CRIM1: variants seen among roughly 807,000 people sequenced by gnomAD.
CRIM1 encodes cysteine rich transmembrane BMP regulator 1.
A neutral mutation model predicts 116.4 loss-of-function variants in CRIM1; 32 were observed. The ratio of observed to expected loss-of-function variants is 0.27; its 90% confidence interval spans 0.21 to 0.37. CRIM1 has a LOEUF of 0.37. CRIM1 is among the 10% of genes least tolerant of loss of function. The pLI, the probability that CRIM1 is intolerant of heterozygous loss-of-function variation, is 1.00. For synonymous variants in CRIM1, 590 were observed against 509.2 expected (o/e 1.16, Z -2.13); for missense variants, 1,331 against 1,354.8 (o/e 0.98, Z 0.28).
intron 7 of CRIM1, among the ~76,000 whole-genome samples, chr2:36,483,667 A>G (rs1679595164): frequency 6.6e-6 from 1 of 152,284 alleles, no homozygotes; most frequent in African/African-American, 2.4e-5. Context: ...AGAATTTGGC[A>G]TATTCTTTTG....
At chr2:36,492,419 T>A (rs1469984594) in intron 7 of CRIM1, among the ~76,000 whole-genome samples, 2 of 152,158 alleles carry the variant, frequency 1.3e-5, no homozygotes, top group African/African-American at 4.8e-5. Flanking sequence ...TAAGTACACA[T>A]TCAGATGCTA....
chr2:36,401,942 C>T (rs546715634), intron 2 of CRIM1, among the ~76,000 whole-genome samples: 2 of 152,174 alleles, frequency 1.3e-5, no homozygotes, highest in Admixed American at 6.5e-5. Context: ...GTCCTGCCAC[C>T]GGAACTCTAG....
At chr2:36,395,840 G>T (rs185083337) in intron 1 of CRIM1, among the ~76,000 whole-genome samples, 8 of 152,280 alleles carry the variant, frequency 5.3e-5, no homozygotes. Context: ...TTTTGGTGGT[G>T]TCTGATTTTT....
At chr2:36,501,295 T>A (rs1469040968) in intron 8 of CRIM1, among the ~76,000 whole-genome samples, 3 of 152,194 alleles carry the variant, frequency 2.0e-5, no homozygotes, top group Non-Finnish European at 4.4e-5. Context: ...CACTTAACCT[T>A]AATTATTTGT....
In CRIM1 at chr2:36,381,685, G is replaced by A. The variant is rs200377831; in HGVS notation, c.332-14929G>A. ...GCCTGTAATCCCAGCTACTCAGGAG[G>A]CTGAGGCAGGAGAATTGCCTGAACC... On this transcript the variant is annotated intron_variant, in intron 1 of 16. Transcript: ENST00000280527. Among the ~76,000 whole-genome samples the A allele has an allele frequency of 2.0e-5, 3 of 152,318 alleles. No individual in the cohort carries two copies. In the East Asian group the frequency reaches 5.8e-4, roughly 29 times the overall value.
At chr2:36,389,481 G>A (rs1288984780) in intron 1 of CRIM1, among the ~76,000 whole-genome samples, 2 of 152,192 alleles carry the variant, frequency 1.3e-5, no homozygotes, top group Non-Finnish European at 1.5e-5. Flanking sequence ...TATATTCCCA[G>A]GAGCTTCTCT....
rs578251056 is a variant in CRIM1 at position 36,421,567 on chromosome 2, T to C, written c.506-19691T>C. On this transcript the variant is annotated intron_variant, in intron 2 of 16. Transcript: ENST00000280527. ...GAATTGCAAATATATTGCCCTAGCT[T>C]ACTCAGGGAAAGGGAATTACCAGCT... Among the ~76,000 whole-genome samples the C allele has an allele frequency of 1.5e-3, 222 of 152,324 alleles. 1 individual carries two copies. The highest frequency in any genetic ancestry group is 2.6e-3 in the Non-Finnish European group (179 of 68,028).
chr2:36,364,259 T>C (rs941401880), intron 1 of CRIM1, among the ~76,000 whole-genome samples: 1 of 152,206 alleles, frequency 6.6e-6, no homozygotes, highest in African/African-American at 2.4e-5. Context: ...ACCACACTTT[T>C]AAGTAGCACA....
At chr2:36,468,706 A>G (rs1469705728) in intron 5 of CRIM1, among the ~76,000 whole-genome samples, 1 of 152,190 alleles carries the variant, frequency 6.6e-6, no homozygotes, top group Non-Finnish European at 1.5e-5. Flanking sequence ...GGAGCTGGAC[A>G]ATGGCCTCTA....
At chr2:36,388,441 G>A (rs1671333271) in intron 1 of CRIM1, among the ~76,000 whole-genome samples, 1 of 152,162 alleles carries the variant, frequency 6.6e-6, no homozygotes, top group Non-Finnish European at 1.5e-5. Flanking sequence ...CCAATAAATT[G>A]TTAGCATTGT....
At position 36,517,410 on chromosome 2, in the gene CRIM1, A is replaced by C. The variant is rs755212278; in HGVS notation, c.2074A>C (p.Thr692Pro). ...AGGAGAATACTTTGTGGAAGGAGAA[A>C]CGTGGAACATTGACTCCTGTACTCA... ...PGGEYFVEGE[T>P]WNIDSCTQCT... Residue 692 changes from threonine to proline, a missense_variant, in exon 12 of 17, where the codon ACG becomes CCG. Physicochemically the swap from Thr to Pro is conservative, Grantham distance 38. This residue lies in a region of CRIM1 where 358 missense variants were observed against 436.1 expected (regional missense o/e 0.82). Transcript: ENST00000280527. The C allele has an allele frequency of 6.2e-7, 1 of 1,614,232 alleles. No individual in the cohort carries two copies. The highest frequency in any genetic ancestry group is 1.1e-5 in the South Asian group (1 of 91,092).
intron 2 of CRIM1, among the ~76,000 whole-genome samples, chr2:36,432,006 T>C (rs848501): frequency 0.6 from 91,525 of 152,074 alleles, 27,627 homozygotes; most frequent in African/African-American, 0.65. Flanking sequence ...TAAACATTAC[T>C]TGGGGAGTTC....
At chr2:36,451,250 A>G (rs1199723628) in intron 4 of CRIM1, among the ~76,000 whole-genome samples, 1 of 152,192 alleles carries the variant, frequency 6.6e-6, no homozygotes, top group Non-Finnish European at 1.5e-5. Flanking sequence ...TGCCAGTTTC[A>G]AAAAGGCTCC....
chr2:36,492,308 A>C (rs971911949), intron 7 of CRIM1, among the ~76,000 whole-genome samples: 3 of 152,234 alleles, frequency 2.0e-5, no homozygotes, highest in African/African-American at 7.2e-5. Context: ...TGTTATGAGA[A>C]GTGTACAAAG....
At chr2:36,376,801 C>T (rs907675578) in intron 1 of CRIM1, among the ~76,000 whole-genome samples, 2 of 152,152 alleles carry the variant, frequency 1.3e-5, no homozygotes, top group African/African-American at 2.4e-5. Flanking sequence ...ACTTCCTGAC[C>T]TGCTGTGAGG....
intron 1 of CRIM1, among the ~76,000 whole-genome samples, chr2:36,383,294 T>C (rs951675007): frequency 2.0e-5 from 3 of 152,212 alleles, no homozygotes; most frequent in Non-Finnish European, 4.4e-5. Flanking sequence ...CTATAAAAAA[T>C]TTTTCCTTGA....
intron 7 of CRIM1, among the ~76,000 whole-genome samples, chr2:36,490,710 T>C (rs1445367455): frequency 1.3e-5 from 2 of 152,122 alleles, no homozygotes; most frequent in Admixed American, 1.3e-4. Context: ...ACTTGTTTAT[T>C]CCTGCATCCT....
intron 2 of CRIM1, among the ~76,000 whole-genome samples, chr2:36,412,631 A>G (rs1412451748): frequency 6.6e-6 from 1 of 152,154 alleles, no homozygotes; most frequent in African/African-American, 2.4e-5. Flanking sequence ...ACTCATATCA[A>G]AGTTTTTAAG....
chr2:36,412,201 C>G (rs1031778222), intron 2 of CRIM1, among the ~76,000 whole-genome samples: 3 of 151,426 alleles, frequency 2.0e-5, no homozygotes, highest in Admixed American at 1.3e-4. Context: ...TTGAAACATT[C>G]TCAGTAAATA....
Sources: gnomAD v4.1 joint callset for allele counts (sites outside exome capture counted in the v4.1 genomes callset) on GRCh38, gnomAD v4.1.1 for gene constraint, gnomAD v4.1.1 regional missense constraint, MANE v1.5 for transcripts, NCBI Gene and HGNC (gene_info 2026-07-23, HGNC 2026-07-21) for gene names.